The following P2RY6 variants were observed in gnomAD, a reference collection of about 807,000 sequenced individuals.
P2RY6 encodes pyrimidinergic receptor P2Y6.
Under a neutral mutation model 16.3 loss-of-function variants are expected in P2RY6, and 19 were observed. That is an observed-to-expected ratio of 1.16 (90% CI 0.81 to 1.71). The LOEUF is 1.71. Ranked by LOEUF, P2RY6 falls within the 40% of genes most tolerant of loss-of-function variation. The pLI is 0.00. For synonymous variants in P2RY6, 184 were observed against 201.5 expected (o/e 0.91, Z 0.74); for missense variants, 389 against 455.5 (o/e 0.85, Z 1.33).
chr11:73,276,504 T>C (rs113455421), intron 1 of P2RY6, among the ~76,000 whole-genome samples: 11 of 152,358 alleles, frequency 7.2e-5, no homozygotes, highest in African/African-American at 2.2e-4. Flanking sequence ...ATTATGTGGC[T>C]TATCCATATA....
intron 1 of P2RY6, among the ~76,000 whole-genome samples, chr11:73,283,542 C>T (rs985657294): frequency 6.6e-6 from 1 of 152,186 alleles, no homozygotes; most frequent in African/African-American, 2.4e-5. Flanking sequence ...TGCTCAGTGG[C>T]CTGTTTTCTC....
intron 1 of P2RY6, among the ~76,000 whole-genome samples, chr11:73,273,600 AG>A (rs1216673365): frequency 1.3e-5 from 2 of 152,046 alleles, no homozygotes; most frequent in Non-Finnish European, 2.9e-5. Flanking sequence ...TCAGAAAGGG[AG>A]GGGGCCATGG....
At chr11:73,268,467 A>T (rs1863177959), upstream of P2RY6, among the ~76,000 whole-genome samples, 1 of 152,204 alleles carries the variant, frequency 6.6e-6, no homozygotes. Flanking sequence ...CTACAAAAAA[A>T]AATACAAATT....
upstream of P2RY6, among the ~76,000 whole-genome samples, chr11:73,269,155 G>C (rs553251510): frequency 2.6e-5 from 4 of 152,306 alleles, no homozygotes; most frequent in East Asian, 7.7e-4. Context: ...AGGGCATGTG[G>C]GGTGTAAACT....
chr11:73,273,851 T>G (rs149851194), intron 1 of P2RY6, among the ~76,000 whole-genome samples: 110 of 152,330 alleles, frequency 7.2e-4, no homozygotes, highest in African/African-American at 2.5e-3. Flanking sequence ...TTTTTATTTT[T>G]TTTAAGATAG....
At chr11:73,269,511 G>A (rs79247300), upstream of P2RY6, among the ~76,000 whole-genome samples, 649 of 152,326 alleles carry the variant, frequency 4.3e-3, 10 homozygotes, top group African/African-American at 0.015. Context: ...CTGTGGACTA[G>A]GGGTTTGCGG....
chr11:73,280,888 G>A (rs539118603), intron 1 of P2RY6, among the ~76,000 whole-genome samples: 12 of 152,310 alleles, frequency 7.9e-5, no homozygotes, highest in African/African-American at 1.4e-4. Flanking sequence ...TAGAGAGGGC[G>A]TAGAAAGAGA....
chr11:73,292,355 G>T (rs943671392), intron 1 of P2RY6, among the ~76,000 whole-genome samples: 9 of 152,208 alleles, frequency 5.9e-5, no homozygotes, highest in African/African-American at 2.2e-4. Flanking sequence ...TGGAGGGATG[G>T]GTAGATGGAC....
chr11:73,285,775 C>A (rs1293668332), intron 1 of P2RY6, among the ~76,000 whole-genome samples: 1 of 152,210 alleles, frequency 6.6e-6, no homozygotes, highest in Non-Finnish European at 1.5e-5. Flanking sequence ...AGACCACGGC[C>A]TCATCCTTGA....
chr11:73,272,074 C>G (rs2135690071), upstream of P2RY6: 1 of 152,424 alleles, frequency 6.6e-6, no homozygotes, highest in African/African-American at 2.4e-5. Context: ...GTGCCAGGCC[C>G]TTGTCCTGAA....
upstream of P2RY6, among the ~76,000 whole-genome samples, chr11:73,267,757 C>T (rs1488970970): frequency 6.6e-6 from 1 of 152,198 alleles, no homozygotes; most frequent in Non-Finnish European, 1.5e-5. Context: ...AAGCTGGGGA[C>T]AATCCTCCCA....
In P2RY6 at chr11:73,284,781, C is replaced by A. The variant is rs546934066; in HGVS notation, c.-120-10949C>A. ...TCACTCAACAAATATTTATTGAGAA[C>A]CTACTATATGCCAGACACCGTCCTA... On this transcript the variant is annotated intron_variant, in intron 1 of 2. Coordinates refer to ENST00000540124, the MANE Select transcript of P2RY6 (RefSeq NM_001277204.2). Among the ~76,000 whole-genome samples, 7 of 152,186 alleles carry A rather than the reference C, an allele frequency of 4.6e-5. No individual in the cohort carries two copies. In the East Asian group the frequency reaches 1.4e-3, roughly 29 times the overall value.
At chr11:73,289,252 G>GA (rs762919052) in intron 1 of P2RY6, among the ~76,000 whole-genome samples, 9 of 152,248 alleles carry the variant, frequency 5.9e-5, no homozygotes, top group Admixed American at 2.0e-4. Flanking sequence ...CTGAAAAAAG[G>GA]AAACTGGAAG....
chr11:73,297,135 C>G lies in P2RY6; in HGVS notation c.617C>G (p.Ala206Gly). Reference sequence around the variant, plus strand: ...GTCATCGGCTTCCTGCTGCCCTTTGCTGCCCTGCTGGCCTGCTACTGTCTC... The same window carrying G: ...GTCATCGGCTTCCTGCTGCCCTTTGGTGCCCTGCTGGCCTGCTACTGTCTC... ...LTVIGFLLPFAALLACYCLLA... is the reference protein window; with the variant it reads ...LTVIGFLLPFGALLACYCLLA... Residue 206 changes from alanine (A) to glycine (G), a missense_variant, in exon 3 of 3, where the codon GCT (alanine) becomes GGT (glycine). Ala to Gly is a moderately conservative substitution (Grantham distance 60, BLOSUM62 0). Coordinates refer to ENST00000540124, the MANE Select transcript of P2RY6 (RefSeq NM_001277204.2). The G allele has an allele frequency of 6.2e-7, 1 of 1,604,828 alleles. No homozygotes were observed. The highest frequency in any genetic ancestry group is 8.5e-7 in the Non-Finnish European group (1 of 1,179,938).
chr11:73,268,725 C>T (rs927012929), upstream of P2RY6, among the ~76,000 whole-genome samples: 2 of 152,166 alleles, frequency 1.3e-5, no homozygotes, highest in African/African-American at 2.4e-5. Context: ...GATCTGAATC[C>T]CAGAGGGACC....
chr11:73,285,110 G>A (rs1245663395), intron 1 of P2RY6, among the ~76,000 whole-genome samples: 1 of 152,164 alleles, frequency 6.6e-6, no homozygotes, highest in Non-Finnish European at 1.5e-5. Flanking sequence ...TCGCTCTGTA[G>A]CCAAGGCTGG....
At chr11:73,296,348 C>A in intron 2 of P2RY6, 137 bp from the exon 3 acceptor site, 1 of 677,280 alleles carries the variant, frequency 1.5e-6, no homozygotes, top group Non-Finnish European at 2.5e-6. Context: ...TGGGGCTTCA[C>A]GGGGTGGTTA....
chr11:73,277,336 A>ACTCCTGACCTCAAGTGATCCACACAC (rs11272607), intron 1 of P2RY6, among the ~76,000 whole-genome samples: 19 of 151,590 alleles, frequency 1.3e-4, no homozygotes, highest in African/African-American at 4.4e-4. Context: ...CCAGTCTCAA[A>ACTCCTGACCTCAAGTGATCCACACAC]CTCTGCCTCC....
rs185954277 is a variant in P2RY6 at position 73,265,785 on chromosome 11, C to T, written c.-281+1136C>T. ...TGAGACAGTTAGGTGTTTGTGTCAT[C>T]CAAGCTTGGTTCAAATTTGATTTAA... On this transcript the variant is annotated intron_variant, in intron 1 of 3. Transcript: ENST00000349767. 3.9e-5 allele frequency among the ~76,000 whole-genome samples: 6 copies of T among 152,304 alleles called. No homozygotes were observed. The East Asian group carries it at 9.6e-4, about 24-fold the overall frequency.
Sources: allele counts gnomAD v4.1 joint callset (sites outside exome capture counted in the v4.1 genomes callset), GRCh38; gene constraint gnomAD v4.1.1; transcripts MANE v1.5; gene names NCBI Gene and HGNC (gene_info 2026-07-23, HGNC 2026-07-21).